PCCA: variants seen among roughly 807,000 people sequenced by gnomAD.
The protein encoded by PCCA is propionyl-CoA carboxylase subunit alpha.
A neutral mutation model predicts 101.3 loss-of-function variants in PCCA; 74 were observed. The ratio of observed to expected loss-of-function variants is 0.73; its 90% CI spans 0.61 to 0.89. The LOEUF (loss-of-function observed/expected upper bound fraction) is 0.89, where lower values mean the gene tolerates loss of function less well. PCCA is among the 40% of genes least tolerant of loss of function. The pLI is 0.00. For missense variants in PCCA, 891 were observed against 907.0 expected, an observed-to-expected ratio of 0.98 and a Z score of 0.23; for synonymous variants, 294 against 313.6, an observed-to-expected ratio of 0.94 and a Z score of 0.66.
chr13:100,314,297 A>G (rs2152704642), intron 16 of PCCA, among the ~76,000 whole-genome samples: 1 of 152,318 alleles, frequency 6.6e-6, no homozygotes, highest in East Asian at 1.9e-4. Flanking sequence ...CAGAGCATCC[A>G]TGCCCTCTCC....
intron 21 of PCCA, among the ~76,000 whole-genome samples, chr13:100,471,986 G>A (rs371166361): frequency 5.3e-5 from 8 of 152,296 alleles, no homozygotes; most frequent in Admixed American, 5.2e-4. Flanking sequence ...CTTGGAGAGT[G>A]AGTGGAGTAG....
chr13:100,113,907 G>A (rs907194902), intron 4 of PCCA, among the ~76,000 whole-genome samples: 3 of 152,104 alleles, frequency 2.0e-5, no homozygotes, highest in Non-Finnish European at 4.4e-5. Flanking sequence ...TAATAAAACA[G>A]CATAAAATGC....
chr13:100,518,395 G>C (rs1301034574), intron 22 of PCCA, among the ~76,000 whole-genome samples: 1 of 152,180 alleles, frequency 6.6e-6, no homozygotes, highest in East Asian at 1.9e-4. Context: ...GAATCCGCTC[G>C]GGGCGCTTGG....
intron 19 of PCCA, among the ~76,000 whole-genome samples, chr13:100,420,685 CTT>C (rs2078688681): frequency 6.6e-6 from 1 of 152,186 alleles, no homozygotes; most frequent in Non-Finnish European, 1.5e-5. Flanking sequence ...GTTCAGGTCT[CTT>C]TCAGATGAGG....
intron 4 of PCCA, among the ~76,000 whole-genome samples, chr13:100,112,418 G>T (rs1487155454): frequency 6.6e-6 from 1 of 152,124 alleles, no homozygotes; most frequent in Non-Finnish European, 1.5e-5. Context: ...TATCACTAAG[G>T]GAATGCTACA....
intron 21 of PCCA, among the ~76,000 whole-genome samples, chr13:100,513,283 G>A (rs915658484): frequency 6.6e-6 from 1 of 152,200 alleles, no homozygotes; most frequent in Non-Finnish European, 1.5e-5. Flanking sequence ...TTGCACCAAG[G>A]CCTCTCTGGA....
chr13:100,117,304 A>G lies in PCCA; in HGVS notation c.300+5243A>G, dbSNP rs1450137538. 2.0e-5 allele frequency among the ~76,000 whole-genome samples: 3 copies of G among 152,288 alleles called. No individual in the cohort carries two copies. The East Asian group carries it at 5.8e-4, about 29-fold the overall frequency. ...AAAATTAGAAAAGTAGTACCAGTAT[A>G]TTGGTATCAGTTTACTGTTATATAC... On this transcript the variant is annotated intron_variant, in intron 4 of 23. Coordinates refer to ENST00000376285, the MANE Select transcript of PCCA (RefSeq NM_000282.4).
chr13:100,169,167 C>A (rs538662244), intron 6 of PCCA, among the ~76,000 whole-genome samples: 1 of 152,054 alleles, frequency 6.6e-6, no homozygotes, highest in Non-Finnish European at 1.5e-5. Context: ...TTTGGCCAGG[C>A]GCAGTGGCTC....
At chr13:100,448,180 G>GT (rs1050105712) in intron 20 of PCCA, among the ~76,000 whole-genome samples, 2 of 151,930 alleles carry the variant, frequency 1.3e-5, no homozygotes, top group Non-Finnish European at 2.9e-5. Context: ...AGTAGAGCAA[G>GT]TTTTTTTTGT....
At chr13:100,363,105 A>AT (rs950969294) in intron 18 of PCCA, among the ~76,000 whole-genome samples, 3 of 151,960 alleles carry the variant, frequency 2.0e-5, no homozygotes, top group Admixed American at 1.3e-4. Flanking sequence ...TCTGTAAAGA[A>AT]TTTTTTTTGA....
intron 18 of PCCA, among the ~76,000 whole-genome samples, chr13:100,348,742 TTCTTTC>T (rs1566975776): frequency 2.4e-5 from 1 of 41,728 alleles, no homozygotes. Flanking sequence ...CTTTCTTTCT[TTCTTTC>T]TTTCTTTCTT....
rs138729469 is a variant in PCCA at position 100,338,816 on chromosome 13, C to T, written c.1541-1341C>T. Among the ~76,000 whole-genome samples, 384 of 151,074 alleles carry T rather than the reference C, an allele frequency of 2.5e-3. 4 individuals carry two copies. In the South Asian group the frequency reaches 0.029, roughly 11 times the overall value. On this transcript the variant is annotated intron_variant, in intron 17 of 23. Transcript: ENST00000376285. ...GTGGATTACCTGTGCTCTCCCTGCC[C>T]TTCAGGGAGCAGATAGATTACTTCC...
intron 12 of PCCA, among the ~76,000 whole-genome samples, chr13:100,294,411 G>A (rs537566303): frequency 6.6e-6 from 1 of 152,046 alleles, no homozygotes; most frequent in East Asian, 1.9e-4. Flanking sequence ...GTCACCAGGG[G>A]AACCCTATAA....
At chr13:100,510,141 A>G (rs1479049521) in intron 21 of PCCA, among the ~76,000 whole-genome samples, 1 of 152,222 alleles carries the variant, frequency 6.6e-6, no homozygotes, top group Non-Finnish European at 1.5e-5. Flanking sequence ...TTTTTCTTGT[A>G]TCAGAGTTTT....
At chr13:100,372,967 C>A (rs1015653757) in intron 19 of PCCA, among the ~76,000 whole-genome samples, 5 of 152,174 alleles carry the variant, frequency 3.3e-5, no homozygotes, top group Admixed American at 2.6e-4. Context: ...TGGTCTCGAA[C>A]TCCTGACTTC....
At chr13:100,509,087 G>GCT (rs1566481909) in intron 21 of PCCA, among the ~76,000 whole-genome samples, 4 of 151,964 alleles carry the variant, frequency 2.6e-5, no homozygotes, top group African/African-American at 4.8e-5. Flanking sequence ...AACTAGACTT[G>GCT]CTAGTTTCTT....
chr13:100,091,902 A>G (rs560737109), intron 1 of PCCA, among the ~76,000 whole-genome samples: 3 of 152,160 alleles, frequency 2.0e-5, no homozygotes, highest in African/African-American at 7.2e-5. Context: ...GAACTCTTAT[A>G]TGCCTTGCAT....
chr13:100,089,157 G>A lies in PCCA; in HGVS notation c.37G>A (p.Ala13Thr). ...GFWVGTAPLV[A>T]AGRRGRWPPQ... ...CTGGGTCGGGACAGCACCGCTGGTCGCTGCCGGACGGCGTGGGCGGTGGCC... is the reference window on the plus strand; with the variant it reads ...CTGGGTCGGGACAGCACCGCTGGTCACTGCCGGACGGCGTGGGCGGTGGCC... The change falls in exon 1 of 24, where the codon GCT becomes ACT. Residue 13 changes from alanine (A) to threonine (T), a missense_variant. By Grantham distance (58) the Ala-to-Thr change is moderately conservative. Transcript: ENST00000376285. The A allele has an allele frequency of 6.6e-7, 1 of 1,524,286 alleles. No homozygotes were observed. The highest frequency in any genetic ancestry group is 2.0e-5 in the Admixed American group (1 of 49,960). The allele number at this position is 1,524,286 out of a possible 1,614,324, so 94.4% of individuals were successfully genotyped here.
At chr13:100,436,682 A>G (rs1334079926) in intron 20 of PCCA, among the ~76,000 whole-genome samples, 1 of 152,202 alleles carries the variant, frequency 6.6e-6, no homozygotes, top group Non-Finnish European at 1.5e-5. Flanking sequence ...TAATTGATCT[A>G]AATCACCTGT....
Sources: gnomAD v4.1 joint callset for allele counts (sites outside exome capture counted in the v4.1 genomes callset) on GRCh38, gnomAD v4.1.1 for gene constraint, MANE v1.5 for transcripts, NCBI Gene and HGNC (gene_info 2026-07-23, HGNC 2026-07-21) for gene names.